Variants in SND1 observed in about 807,000 individuals in gnomAD.
SND1 encodes the protein staphylococcal nuclease domain-containing protein 1.
SND1 carries 38 observed loss-of-function variants against 121.7 expected under a neutral mutation model. The ratio of observed to expected loss-of-function variants is 0.31; its 90% CI spans 0.24 to 0.41. The LOEUF (loss-of-function observed/expected upper bound fraction) is 0.41, where lower values mean the gene tolerates loss of function less well. Among genes scored for constraint, SND1 ranks in the 10% least tolerant of loss-of-function variants. The pLI is 1.00. For missense variants in SND1, 868 were observed against 1,184.6 expected (o/e 0.73, Z 3.92); for synonymous variants, 401 against 447.4 (o/e 0.90, Z 1.31).
intron 16 of SND1, among the ~76,000 whole-genome samples, chr7:128,008,860 ACT>A (rs967329090): frequency 1.3e-5 from 2 of 151,852 alleles, no homozygotes; most frequent in African/African-American, 4.8e-5. Context: ...AATTTTATTA[ACT>A]CTGATTTTTT....
chr7:127,873,281 A>G (rs1356741248), intron 12 of SND1, among the ~76,000 whole-genome samples: 1 of 152,136 alleles, frequency 6.6e-6, no homozygotes, highest in Non-Finnish European at 1.5e-5. Flanking sequence ...GTTCCTACTC[A>G]GCTAGTGGTG....
At chr7:128,024,724 C>G (rs570341048) in intron 16 of SND1, among the ~76,000 whole-genome samples, 73 of 152,246 alleles carry the variant, frequency 4.8e-4, no homozygotes, top group Non-Finnish European at 8.4e-4. Flanking sequence ...CCTCCATTGA[C>G]GATAGGATGC....
intron 17 of SND1, among the ~76,000 whole-genome samples, chr7:128,077,725 G>A (rs1263115925): frequency 1.3e-5 from 2 of 152,178 alleles, no homozygotes; most frequent in Non-Finnish European, 2.9e-5. Flanking sequence ...GCTTAGAGGT[G>A]GTCCATGAGA....
rs992866953 is a variant in SND1, at chr7:128,032,795, C to G, written c.1780-41707C>G. ...CGCTGCTGCACTGCCGCCAGCCCCT[C>G]CTTCGCTTTGCCTCACCCCTCCTGT... On this transcript the variant is annotated intron_variant, in intron 16 of 23. Transcript: ENST00000354725. Among the ~76,000 whole-genome samples, 3 of 152,314 alleles carry G rather than the reference C, an allele frequency of 2.0e-5. No individual in the cohort carries two copies. The South Asian group carries it at 6.2e-4, about 32-fold the overall frequency.
chr7:127,696,706 C>A (rs191310110), intron 3 of SND1, among the ~76,000 whole-genome samples: 2 of 152,220 alleles, frequency 1.3e-5, no homozygotes, highest in Admixed American at 1.3e-4. Context: ...GCCAAAATGG[C>A]CAAATTGTTT....
intron 12 of SND1, among the ~76,000 whole-genome samples, chr7:127,869,691 A>G (rs1372569480): frequency 6.6e-6 from 1 of 152,188 alleles, no homozygotes; most frequent in African/African-American, 2.4e-5. Flanking sequence ...GGAAGTTTAC[A>G]TTGATACAGT....
At chr7:127,918,641 T>G (rs1165223168) in intron 14 of SND1, among the ~76,000 whole-genome samples, 3 of 152,214 alleles carry the variant, frequency 2.0e-5, no homozygotes, top group Admixed American at 2.0e-4. Flanking sequence ...AAGTAGGTGC[T>G]TAGCAGATAT....
Position 127,779,481 on chromosome 7 carries a change from G to C in SND1, c.1153-28003G>C, listed in dbSNP as rs571692460. Among the ~76,000 whole-genome samples, 238 of 152,256 alleles carry C rather than the reference G, an allele frequency of 1.6e-3. 1 individual carries two copies. Among genetic ancestry groups the C allele is most frequent in the Non-Finnish European group, 2.7e-3 (181 of 68,026 alleles). On this transcript the variant is annotated intron_variant, in intron 10 of 23. Transcript: ENST00000354725. Reference sequence around the variant, plus strand: ...CTTTTAAAAAGGATCTCATTTCGTAGAGACAATGGCCATATTCCCATGGTG... The same window carrying C: ...CTTTTAAAAAGGATCTCATTTCGTACAGACAATGGCCATATTCCCATGGTG...
chr7:127,807,596 A>G, intron 11 of SND1, 23 bp downstream of exon 11: 3 of 1,587,264 alleles, frequency 1.9e-6, no homozygotes, highest in South Asian at 1.1e-5. Flanking sequence ...TGACAGAAGC[A>G]TATTTGCAAG....
At chr7:127,752,553 T>G (rs12531440) in intron 10 of SND1, among the ~76,000 whole-genome samples, 50,231 of 152,018 alleles carry the variant, frequency 0.33, 9,156 homozygotes, top group Admixed American at 0.42. Context: ...AAAGAGGAAT[T>G]TAAAAAGTAT....
At chr7:127,825,580 G>A (rs1008990019) in intron 11 of SND1, among the ~76,000 whole-genome samples, 5 of 151,124 alleles carry the variant, frequency 3.3e-5, no homozygotes, top group African/African-American at 1.2e-4. Context: ...GCTAATTTTT[G>A]TACTTTAGTA....
At chr7:127,758,397 A>G (rs1797238354) in intron 10 of SND1, among the ~76,000 whole-genome samples, 1 of 152,222 alleles carries the variant, frequency 6.6e-6, no homozygotes, top group South Asian at 2.1e-4. Context: ...TGCAAAGCGT[A>G]TCTGTAGAAA....
At chr7:127,677,242 A>G (rs1361156905) in intron 1 of SND1, among the ~76,000 whole-genome samples, 1 of 152,050 alleles carries the variant, frequency 6.6e-6, no homozygotes, top group Non-Finnish European at 1.5e-5. Flanking sequence ...TTTTATTTTT[A>G]TTTCAGCAAC....
At chr7:127,662,064 C>T (rs1475526484) in intron 1 of SND1, among the ~76,000 whole-genome samples, 1 of 151,908 alleles carries the variant, frequency 6.6e-6, no homozygotes, top group Non-Finnish European at 1.5e-5. Context: ...TGCAGTGAGC[C>T]AAGATCATGC....
At chr7:127,874,353 C>T (rs1163917883) in intron 12 of SND1, among the ~76,000 whole-genome samples, 1 of 152,098 alleles carries the variant, frequency 6.6e-6, no homozygotes, top group Non-Finnish European at 1.5e-5. Context: ...CTTTCAAACA[C>T]ATATTGAAAG....
At chr7:127,660,854 A>G (rs1795296758) in intron 1 of SND1, among the ~76,000 whole-genome samples, 1 of 152,144 alleles carries the variant, frequency 6.6e-6, no homozygotes, top group South Asian at 2.1e-4. Context: ...TTTCCTAAAC[A>G]GGTCATCGCA....
intron 15 of SND1, among the ~76,000 whole-genome samples, chr7:127,963,118 A>T (rs1357069957): frequency 6.6e-6 from 1 of 152,146 alleles, no homozygotes; most frequent in Non-Finnish European, 1.5e-5. Context: ...CTGAACAAGG[A>T]GATTGGGGCA....
chr7:127,891,410 C>T (rs1307018740), intron 13 of SND1, among the ~76,000 whole-genome samples: 3 of 152,016 alleles, frequency 2.0e-5, no homozygotes, highest in Non-Finnish European at 4.4e-5. Flanking sequence ...TTTGAAGCAC[C>T]TCGTTCTCCT....
chr7:127,730,838 G>A (rs893041977), intron 10 of SND1, among the ~76,000 whole-genome samples: 6 of 152,202 alleles, frequency 3.9e-5, no homozygotes, highest in African/African-American at 1.2e-4. Flanking sequence ...TATAGGGATG[G>A]GCAGAATATG....
Sources: allele counts gnomAD v4.1 joint callset (sites outside exome capture counted in the v4.1 genomes callset), GRCh38; gene constraint gnomAD v4.1.1; transcripts MANE v1.5; gene names NCBI Gene and HGNC (gene_info 2026-07-23, HGNC 2026-07-21).